The following PLA2G4A variants were observed in gnomAD, a reference collection of about 807,000 sequenced individuals.
PLA2G4A encodes the protein cytosolic phospholipase A2.
Under a neutral mutation model 81.9 loss-of-function variants are expected in PLA2G4A, and 40 were observed. The ratio of observed to expected loss-of-function variants is 0.49; its 90% CI spans 0.38 to 0.64. The LOEUF is 0.64. Ranked by LOEUF, PLA2G4A falls within the 30% of genes least tolerant of loss-of-function variation. The pLI is 0.00. For synonymous variants in PLA2G4A, 302 were observed against 296.9 expected (o/e 1.02, Z -0.18); for missense variants, 715 against 905.1 (o/e 0.79, Z 2.69).
intron 7 of PLA2G4A, among the ~76,000 whole-genome samples, chr1:186,924,954 A>G (rs1185341894): frequency 2.0e-5 from 3 of 151,862 alleles, no homozygotes; most frequent in Non-Finnish European, 4.4e-5. Context: ...AGGCTGAGGC[A>G]GGAGGATCAC....
chr1:186,846,139 A>G (rs1027653001), intron 1 of PLA2G4A, among the ~76,000 whole-genome samples: 4 of 152,184 alleles, frequency 2.6e-5, no homozygotes, highest in Admixed American at 2.0e-4. Flanking sequence ...AAAAATTCCT[A>G]CTGTTTCATG....
chr1:186,987,108 C>T (rs751376602), intron 17 of PLA2G4A, among the ~76,000 whole-genome samples: 1 of 152,216 alleles, frequency 6.6e-6, no homozygotes, highest in African/African-American at 2.4e-5. Flanking sequence ...GAGAGCCTTG[C>T]TTGTTGGGTG....
chr1:186,840,901 G>A lies in PLA2G4A; in HGVS notation c.-70+11866G>A, dbSNP rs188407430. On this transcript the variant is annotated intron_variant, in intron 1 of 17. Transcript: ENST00000367466. Reference sequence around the variant, plus strand: ...AACAAAACACAAATACTACCTTGGGGAGCATATTTGCAAAATGTCCAGTCT... The same window carrying A: ...AACAAAACACAAATACTACCTTGGGAAGCATATTTGCAAAATGTCCAGTCT... Among the ~76,000 whole-genome samples the A allele has an allele frequency of 1.4e-3, 219 of 152,320 alleles. 1 individual carries two copies. The highest frequency in any genetic ancestry group is 4.8e-3 in the African/African-American group (199 of 41,562).
intron 15 of PLA2G4A, among the ~76,000 whole-genome samples, chr1:186,966,979 A>G (rs1657154744): frequency 6.6e-6 from 1 of 152,138 alleles, no homozygotes; most frequent in Non-Finnish European, 1.5e-5. Context: ...TTTGTAGGTG[A>G]ATAAATGAAA....
At chr1:186,891,536 A>G (rs1052881098) in intron 3 of PLA2G4A, among the ~76,000 whole-genome samples, 2 of 152,080 alleles carry the variant, frequency 1.3e-5, no homozygotes, top group Non-Finnish European at 1.5e-5. Context: ...AGATCCCACA[A>G]ATAAGTGAGA....
intron 1 of PLA2G4A, among the ~76,000 whole-genome samples, chr1:186,848,150 G>A (rs552216217): frequency 3.9e-5 from 6 of 152,098 alleles, no homozygotes; most frequent in Non-Finnish European, 8.8e-5. Flanking sequence ...ATGCGTTTGT[G>A]CATGTCAGGG....
At chr1:186,907,226 C>A (rs915665350) in intron 6 of PLA2G4A, among the ~76,000 whole-genome samples, 1 of 151,932 alleles carries the variant, frequency 6.6e-6, no homozygotes, top group Non-Finnish European at 1.5e-5. Context: ...GCTTATTTTT[C>A]CAATAGTTTC....
At chr1:186,839,121 C>T (rs1217599962) in intron 1 of PLA2G4A, among the ~76,000 whole-genome samples, 1 of 152,166 alleles carries the variant, frequency 6.6e-6, no homozygotes, top group African/African-American at 2.4e-5. Context: ...ATCCTCTTCA[C>T]ATAAAAATGA....
intron 14 of PLA2G4A, among the ~76,000 whole-genome samples, chr1:186,957,751 C>T (rs978933029): frequency 3.3e-5 from 5 of 152,196 alleles, no homozygotes; most frequent in Non-Finnish European, 7.3e-5. Flanking sequence ...AGAATAATTC[C>T]CTTTGGTTTT....
At chr1:186,979,124 G>A (rs560766792) in intron 16 of PLA2G4A, among the ~76,000 whole-genome samples, 191 bp from the exon 17 acceptor site, 3 of 152,338 alleles carry the variant, frequency 2.0e-5, no homozygotes, top group African/African-American at 7.2e-5. Context: ...GCACACAGAT[G>A]TCAGATATTG....
intron 15 of PLA2G4A, among the ~76,000 whole-genome samples, chr1:186,976,447 C>G (rs940204309): frequency 6.6e-6 from 1 of 152,106 alleles, no homozygotes; most frequent in Non-Finnish European, 1.5e-5. Flanking sequence ...TTGCATAGCA[C>G]TTAATATGTA....
intron 13 of PLA2G4A, among the ~76,000 whole-genome samples, chr1:186,954,665 T>TC (rs1656684208): frequency 8.2e-5 from 1 of 12,142 alleles, no homozygotes; most frequent in Admixed American, 9.0e-4. Context: ...CTATAGAATC[T>TC]CTTTTTTCTC....
chr1:186,913,750 A>G (rs1005391646), intron 7 of PLA2G4A, among the ~76,000 whole-genome samples: 1 of 152,178 alleles, frequency 6.6e-6, no homozygotes, highest in Non-Finnish European at 1.5e-5. Flanking sequence ...TCATAAATAA[A>G]TTAATTTCTT....
chr1:186,894,162 C>A lies in PLA2G4A; in HGVS notation c.329C>A (p.Ser110Tyr). Residue 110 changes from serine (S) to tyrosine (Y), a missense_variant, in exon 5 of 18, where the codon TCT (serine) becomes TAT (tyrosine). By Grantham distance (144) the Ser-to-Tyr change is moderately radical. Transcript: ENST00000367466. ...CTAGGGACAGCAACATTTACTGTAT[C>A]TTCTATGAAGGTGGGAGAAAAGAAA... ...ETLGTATFTV[S>Y]SMKVGEKKEV... The A allele has an allele frequency of 6.6e-7, 1 of 1,519,526 alleles. No homozygotes were observed. Among genetic ancestry groups the A allele is most frequent in the Non-Finnish European group, 9.1e-7 (1 of 1,093,774 alleles). 94.1% of individuals were successfully genotyped at this position (1,519,526 alleles called of 1,614,324 possible).
intron 1 of PLA2G4A, among the ~76,000 whole-genome samples, chr1:186,837,275 C>T (rs1481271068): frequency 6.6e-6 from 1 of 151,990 alleles, no homozygotes; most frequent in African/African-American, 2.4e-5. Flanking sequence ...GGGAGGAATG[C>T]GTGATGAGGA....
intron 1 of PLA2G4A, among the ~76,000 whole-genome samples, chr1:186,832,542 G>A (rs982656535): frequency 6.6e-6 from 1 of 151,990 alleles, no homozygotes; most frequent in Non-Finnish European, 1.5e-5. Flanking sequence ...GTCAATACTG[G>A]GTGCCATCAT....
intron 1 of PLA2G4A, among the ~76,000 whole-genome samples, chr1:186,835,968 C>A (rs1651762485): frequency 6.6e-6 from 1 of 152,102 alleles, no homozygotes; most frequent in Non-Finnish European, 1.5e-5. Context: ...ACAATATTTA[C>A]ATGCATTTTT....
At chr1:186,977,354 A>AT (rs1657570585) in intron 15 of PLA2G4A, among the ~76,000 whole-genome samples, 1 of 152,136 alleles carries the variant, frequency 6.6e-6, no homozygotes, top group Non-Finnish European at 1.5e-5. Flanking sequence ...TTTATCAATA[A>AT]TTTTTCAAAT....
At chr1:186,842,549 T>C (rs925265427) in intron 1 of PLA2G4A, among the ~76,000 whole-genome samples, 1 of 152,170 alleles carries the variant, frequency 6.6e-6, no homozygotes, top group African/African-American at 2.4e-5. Flanking sequence ...GTAAAAGTAT[T>C]TGGGGATAAG....
Sources: gnomAD v4.1 joint callset for allele counts (sites outside exome capture counted in the v4.1 genomes callset) on GRCh38, gnomAD v4.1.1 for gene constraint, MANE v1.5 for transcripts, NCBI Gene and HGNC (gene_info 2026-07-23, HGNC 2026-07-21) for gene names.